The following TAPT1 variants were observed in gnomAD, a reference collection of about 807,000 sequenced individuals.
TAPT1 encodes transmembrane anterior posterior transformation protein 1 homolog.
A neutral mutation model predicts 65.6 loss-of-function variants in TAPT1; 28 were observed. The ratio of observed to expected loss-of-function variants is 0.43; its 90% CI spans 0.32 to 0.59. The LOEUF (loss-of-function observed/expected upper bound fraction) is 0.59. TAPT1 is among the 20% of genes least tolerant of loss of function. The pLI is 0.09. For missense variants in TAPT1, 563 were observed against 679.9 expected (o/e 0.83, Z 1.91); for synonymous variants, 278 against 245.2 (o/e 1.13, Z -1.25).
At chr4:16,212,142 T>C (rs1233770533) in intron 2 of TAPT1, among the ~76,000 whole-genome samples, 1 of 152,184 alleles carries the variant, frequency 6.6e-6, no homozygotes, top group Non-Finnish European at 1.5e-5. Flanking sequence ...CCAACCCACT[T>C]TGAAGCAGTC....
intron 13 of TAPT1, among the ~76,000 whole-genome samples, chr4:16,164,102 G>C (rs1747424949): frequency 6.6e-6 from 1 of 152,130 alleles, no homozygotes; most frequent in Admixed American, 6.5e-5. Flanking sequence ...GCTGGGGCCT[G>C]GAGAGACTCA....
rs189802376 is a variant in TAPT1, at chr4:16,222,507, T to C, written c.199+3752A>G. ...GAATCAGTCACCCTTTAATCATCCA[T>C]TTGGTTAAGTTTGGGGCCACTGGGA... is the stretch of plus-strand genomic sequence containing the variant. On this transcript the variant is annotated intron_variant, in intron 1 of 13. Transcript: ENST00000405303. Among the ~76,000 whole-genome samples the C allele has an allele frequency of 5.3e-3, 806 of 152,322 alleles. 6 individuals carry two copies. The highest frequency in any genetic ancestry group is 8.2e-3 in the Non-Finnish European group (557 of 68,034).
At position 16,160,508 on chromosome 4, in the gene TAPT1, G is replaced by A. The variant is rs904202748; in HGVS notation, c.*2800C>T. The stretch of plus-strand genomic sequence containing the variant: ...GGAAAAAAATCAGACTTACACAAAC[G>A]TTTTAAAGAACTATATTTTAGAGCT... On this transcript the variant is annotated 3_prime_UTR_variant, in exon 14 of 14. Coordinates refer to ENST00000405303, the MANE Select transcript of TAPT1 (RefSeq NM_153365.3). 3 of 152,128 alleles carry A rather than the reference G, an allele frequency of 2.0e-5. No individual in the cohort carries two copies. The highest frequency in any genetic ancestry group is 4.8e-5 in the African/African-American group (2 of 41,432). The allele number at this position is 152,128 out of a possible 1,614,324, so 9.4% of individuals were successfully genotyped here. A position where few individuals can be genotyped will look rare whatever the true frequency, so the allele number is the denominator to read the frequency against.
chr4:16,189,621 AAC>A (rs1376693913), intron 4 of TAPT1, among the ~76,000 whole-genome samples: 1 of 152,208 alleles, frequency 6.6e-6, no homozygotes, highest in Non-Finnish European at 1.5e-5. Flanking sequence ...TGTCCAGGAT[AAC>A]AGGTAATAAA....
At chr4:16,167,274 A>G (rs890165530) in intron 12 of TAPT1, among the ~76,000 whole-genome samples, 1 of 152,116 alleles carries the variant, frequency 6.6e-6, no homozygotes, top group South Asian at 2.1e-4. Context: ...TACAGGTGTG[A>G]GCCACCATGC....
At chr4:16,215,811 T>C (rs1428392888) in intron 1 of TAPT1, among the ~76,000 whole-genome samples, 4 of 152,338 alleles carry the variant, frequency 2.6e-5, no homozygotes, top group Non-Finnish European at 5.9e-5. Flanking sequence ...AACTTTCTAA[T>C]ATGTTCTACG....
At chr4:16,208,195 G>A (rs976624351) in intron 2 of TAPT1, among the ~76,000 whole-genome samples, 3 of 152,176 alleles carry the variant, frequency 2.0e-5, no homozygotes, top group African/African-American at 7.2e-5. Context: ...AATTTTAATT[G>A]TAGAATTAAA....
intron 4 of TAPT1, chr4:16,191,072 A>T (rs972521755): frequency 1.4e-5 from 4 of 276,680 alleles, no homozygotes; most frequent in Non-Finnish European, 2.1e-5. Flanking sequence ...GAATCTTCCC[A>T]GCCTACATGA....
intron 2 of TAPT1, among the ~76,000 whole-genome samples, chr4:16,204,306 G>C (rs1486451587): frequency 6.6e-6 from 1 of 152,228 alleles, no homozygotes; most frequent in Admixed American, 6.5e-5. Flanking sequence ...AAGCACTGAA[G>C]ACAGTTCAGC....
intron 3 of TAPT1, among the ~76,000 whole-genome samples, chr4:16,196,882 G>A (rs1749738094): frequency 6.6e-6 from 1 of 152,150 alleles, no homozygotes; most frequent in South Asian, 2.1e-4. Context: ...ATCAGCCCTG[G>A]TAAAAGGAAG....
At position 16,226,458 on chromosome 4, in the gene TAPT1, G is replaced by T; in HGVS notation, c.-1C>A. On this transcript the variant is annotated 5_prime_UTR_variant, in exon 1 of 14. Coordinates refer to ENST00000405303, the MANE Select transcript of TAPT1 (RefSeq NM_153365.3). ...CGGCCGCGTCGCCGACGCCCGCCAT[G>T]TTCCGAGCACAACAAACTGTCCCCG... is the stretch of plus-strand genomic sequence containing the variant. The T allele has an allele frequency of 1.9e-6, 2 of 1,062,092 alleles. No individual in the cohort carries two copies. Among genetic ancestry groups the T allele is most frequent in the South Asian group, 4.4e-5 (1 of 22,840 alleles). 65.8% of individuals were successfully genotyped at this position (1,062,092 alleles called of 1,614,324 possible).
chr4:16,200,684 A>G (rs1749977291), intron 3 of TAPT1, among the ~76,000 whole-genome samples: 1 of 152,136 alleles, frequency 6.6e-6, no homozygotes, highest in Non-Finnish European at 1.5e-5. Flanking sequence ...CCATGTTTCT[A>G]TTCGCTTTAT....
At chr4:16,199,599 T>C (rs1684174212) in intron 3 of TAPT1, among the ~76,000 whole-genome samples, 1 of 152,124 alleles carries the variant, frequency 6.6e-6, no homozygotes, top group Admixed American at 6.5e-5. Flanking sequence ...TTTAAGAATT[T>C]TTTTTTTTTA....
At chr4:16,187,377 C>T (rs1162312375) in intron 5 of TAPT1, among the ~76,000 whole-genome samples, 6 of 152,126 alleles carry the variant, frequency 3.9e-5, no homozygotes, top group Non-Finnish European at 7.4e-5. Flanking sequence ...TAGGAAATAT[C>T]TGATAATTAA....
At chr4:16,225,185 T>C (rs530677503) in intron 1 of TAPT1, among the ~76,000 whole-genome samples, 13 of 151,744 alleles carry the variant, frequency 8.6e-5, no homozygotes, top group Admixed American at 1.3e-4. Flanking sequence ...AAATATAGAC[T>C]GCTTCAAATA....
intron 7 of TAPT1, 136 bp downstream of exon 7, chr4:16,186,399 G>A (rs1249898189): frequency 5.2e-6 from 3 of 578,172 alleles, no homozygotes; most frequent in East Asian, 6.0e-5. Flanking sequence ...AGAAAACCTA[G>A]TAAAGATGTT....
intron 12 of TAPT1, among the ~76,000 whole-genome samples, chr4:16,168,258 G>A (rs980724561): frequency 4.6e-5 from 7 of 151,932 alleles, no homozygotes; most frequent in Admixed American, 1.3e-4. Flanking sequence ...GACCACAGGC[G>A]TATGCCACCA....
chr4:16,220,088 A>G (rs570953377), intron 1 of TAPT1, among the ~76,000 whole-genome samples: 1 of 152,346 alleles, frequency 6.6e-6, no homozygotes, highest in South Asian at 2.1e-4. Context: ...GTGCCGAGGT[A>G]TACCTGCGTT....
chr4:16,212,832 A>G (rs1455579304), intron 2 of TAPT1, among the ~76,000 whole-genome samples: 1 of 152,230 alleles, frequency 6.6e-6, no homozygotes, highest in African/African-American at 2.4e-5. Flanking sequence ...ATAAAGCAAC[A>G]TTTCTGAAAC....
Sources: gnomAD v4.1 joint callset for allele counts (sites outside exome capture counted in the v4.1 genomes callset) on GRCh38, gnomAD v4.1.1 for gene constraint, MANE v1.5 for transcripts, NCBI Gene and HGNC (gene_info 2026-07-23, HGNC 2026-07-21) for gene names.